GHR: variants seen among roughly 807,000 people sequenced by gnomAD.
GHR encodes the protein growth hormone receptor, also known as GH receptor.
In GHR, 35 loss-of-function variants were observed where a neutral mutation model predicts 67.1. The ratio of observed to expected loss-of-function variants is 0.52; its 90% confidence interval spans 0.40 to 0.69. The LOEUF (loss-of-function observed/expected upper bound fraction) is 0.69. GHR is among the 30% of genes least tolerant of loss of function. GHR has a pLI of 0.00. For missense variants in GHR, 792 were observed against 764.6 expected (o/e 1.04, Z -0.42); for synonymous variants, 272 against 269.1 (o/e 1.01, Z -0.10).
intron 1 of GHR, chr5:42,550,229 T>A: frequency 4.5e-6 from 1 of 220,800 alleles, no homozygotes; most frequent in Non-Finnish European, 7.6e-6. Context: ...CTGGTGCTGC[T>A]CCCAGCTTGG....
At chr5:42,653,787 G>T (rs1166672093) in intron 3 of GHR, among the ~76,000 whole-genome samples, 1 of 152,118 alleles carries the variant, frequency 6.6e-6, no homozygotes, top group African/African-American at 2.4e-5. Flanking sequence ...TTCAACAGCT[G>T]ACCTGACTGC....
chr5:42,464,253 G>A (rs1744631822), intron 1 of GHR, among the ~76,000 whole-genome samples: 1 of 152,088 alleles, frequency 6.6e-6, no homozygotes, highest in Non-Finnish European at 1.5e-5. Flanking sequence ...CTCTCAATGC[G>A]AAGCTCCCAT....
chr5:42,626,832 C>T (rs1413551001), intron 2 of GHR, among the ~76,000 whole-genome samples: 1 of 152,098 alleles, frequency 6.6e-6, no homozygotes, highest in Non-Finnish European at 1.5e-5. Flanking sequence ...TTACTGTGGG[C>T]CTGAGCCATG....
chr5:42,600,043 G>A (rs953052767), intron 2 of GHR, among the ~76,000 whole-genome samples: 4 of 152,200 alleles, frequency 2.6e-5, no homozygotes, highest in African/African-American at 7.2e-5. Context: ...GCATATCTCT[G>A]TTAGGCTAGA....
chr5:42,592,841 C>T (rs1751862308), intron 2 of GHR, among the ~76,000 whole-genome samples: 1 of 152,166 alleles, frequency 6.6e-6, no homozygotes, highest in African/African-American at 2.4e-5. Context: ...AGTGGCTGAA[C>T]TAATTTACAT....
chr5:42,700,857 G>C (rs1005836163), intron 6 of GHR, among the ~76,000 whole-genome samples: 1 of 152,116 alleles, frequency 6.6e-6, no homozygotes, highest in Admixed American at 6.5e-5. Flanking sequence ...GAGGAAATTT[G>C]AGTAGTTACA....
At chr5:42,596,868 G>GC (rs1752096868) in intron 2 of GHR, among the ~76,000 whole-genome samples, 1 of 152,166 alleles carries the variant, frequency 6.6e-6, no homozygotes, top group South Asian at 2.1e-4. Flanking sequence ...CAGCTCAGAA[G>GC]CCTAATTGAG....
chr5:42,427,349 A>C (rs1440442310), intron 1 of GHR, among the ~76,000 whole-genome samples: 1 of 152,244 alleles, frequency 6.6e-6, no homozygotes, highest in Non-Finnish European at 1.5e-5. Context: ...CATGTCTTAC[A>C]TGACAGCAGG....
At chr5:42,508,942 GAA>G (rs906454182) in intron 1 of GHR, among the ~76,000 whole-genome samples, 1 of 152,132 alleles carries the variant, frequency 6.6e-6, no homozygotes, top group African/African-American at 2.4e-5. Context: ...TAAAGGAAAA[GAA>G]AAAAGTTATC....
At position 42,701,480 on chromosome 5, in the gene GHR, A is replaced by G. The variant is rs138459435; in HGVS notation, c.618+1478A>G. On this transcript the variant is annotated intron_variant, in intron 6 of 9. Coordinates refer to ENST00000230882, the MANE Select transcript of GHR (RefSeq NM_000163.5). ...AAAGCGCTTAAATGACTGAGTTGCCAGCTGAACTAGTTGCTTTTATTGCTT... is the reference window on the plus strand; with the variant it reads ...AAAGCGCTTAAATGACTGAGTTGCCGGCTGAACTAGTTGCTTTTATTGCTT... Among the ~76,000 whole-genome samples the G allele has an allele frequency of 6.3e-3, 964 of 152,298 alleles. 15 individuals carry two copies. The highest frequency in any genetic ancestry group is 0.021 in the African/African-American group (871 of 41,552).
At chr5:42,538,050 T>A in intron 1 of GHR, among the ~76,000 whole-genome samples, 1 of 152,206 alleles carries the variant, frequency 6.6e-6, no homozygotes, top group East Asian at 1.9e-4. Flanking sequence ...ATGTGAGTTC[T>A]TATGTGTTAG....
chr5:42,533,811 C>G (rs1054018617), intron 1 of GHR, among the ~76,000 whole-genome samples: 1 of 151,674 alleles, frequency 6.6e-6, no homozygotes, highest in Non-Finnish European at 1.5e-5. Context: ...TATTTGTTTT[C>G]TTTTATCCCT....
intron 3 of GHR, among the ~76,000 whole-genome samples, chr5:42,677,230 G>C (rs537421431): frequency 1.6e-4 from 24 of 152,086 alleles, no homozygotes; most frequent in Non-Finnish European, 2.9e-4. Flanking sequence ...TTTCTGAAAA[G>C]AGTATTGCCA....
At chr5:42,653,177 A>C (rs569882020) in intron 3 of GHR, among the ~76,000 whole-genome samples, 17 of 152,134 alleles carry the variant, frequency 1.1e-4, no homozygotes, top group Non-Finnish European at 2.5e-4. Flanking sequence ...TAGTATGTGG[A>C]TAATAGTAGC....
At chr5:42,472,118 G>A (rs1561323720) in intron 1 of GHR, among the ~76,000 whole-genome samples, 3 of 152,178 alleles carry the variant, frequency 2.0e-5, no homozygotes, top group Non-Finnish European at 4.4e-5. Flanking sequence ...GCTTGTTGAT[G>A]TTGAGTTGAC....
intron 1 of GHR, among the ~76,000 whole-genome samples, chr5:42,563,771 G>A (rs536133212): frequency 1.1e-4 from 16 of 152,076 alleles, no homozygotes; most frequent in African/African-American, 3.6e-4. Flanking sequence ...TCGTGCCACT[G>A]CACTCCAGGC....
intron 5 of GHR, among the ~76,000 whole-genome samples, chr5:42,695,961 A>T (rs1324845524): frequency 6.6e-6 from 1 of 152,238 alleles, no homozygotes; most frequent in African/African-American, 2.4e-5. Context: ...AAACAAATAA[A>T]ATCTAATAGG....
intron 1 of GHR, among the ~76,000 whole-genome samples, chr5:42,472,814 G>C (rs1015781601): frequency 2.0e-5 from 3 of 152,208 alleles, no homozygotes; most frequent in Non-Finnish European, 4.4e-5. Flanking sequence ...CTAGGGATTA[G>C]ACTCCTTCTG....
chr5:42,623,515 C>A (rs1261793554), intron 2 of GHR, among the ~76,000 whole-genome samples: 1 of 152,162 alleles, frequency 6.6e-6, no homozygotes. Context: ...GTCTTCTGCA[C>A]CTTTGTACCT....
Sources: allele counts gnomAD v4.1 joint callset (sites outside exome capture counted in the v4.1 genomes callset), GRCh38; gene constraint gnomAD v4.1.1; transcripts MANE v1.5; gene names NCBI Gene and HGNC (gene_info 2026-07-23, HGNC 2026-07-21).